Variants in TSNARE1 observed in about 807,000 individuals in gnomAD.
TSNARE1 encodes the protein t-SNARE domain-containing protein 1.
Under a neutral mutation model 62.0 loss-of-function variants are expected in TSNARE1, and 49 were observed. That is an observed-to-expected ratio of 0.79 (90% CI 0.63 to 1.00). The LOEUF is 1.00. Ranked by LOEUF, TSNARE1 falls within the 50% of genes least tolerant of loss-of-function variation. TSNARE1 has a pLI of 0.00. For synonymous variants in TSNARE1, 328 were observed against 294.4 expected, an observed-to-expected ratio of 1.11 and a Z score of -1.17; for missense variants, 755 against 700.1, an observed-to-expected ratio of 1.08 and a Z score of -0.88.
chr8:142,329,377 T>A (rs1485514504), intron 6 of TSNARE1, among the ~76,000 whole-genome samples: 3 of 152,146 alleles, frequency 2.0e-5, no homozygotes, highest in African/African-American at 7.2e-5. Flanking sequence ...CAGCGGGTGG[T>A]GTCGGTCTTC....
At chr8:142,269,723 T>G in intron 12 of TSNARE1, 2 of 985,318 alleles carry the variant, frequency 2.0e-6, no homozygotes, top group Non-Finnish European at 2.4e-6. Context: ...TTTGGCAGGA[T>G]GGAAGGCCAG....
rs749375794 is a variant in TSNARE1 at position 142,284,374 on chromosome 8, CG to C, written c.1363+38del. The C allele has an allele frequency of 3.8e-6, 6 of 1,567,398 alleles. No homozygotes were observed. In the East Asian group the frequency reaches 8.9e-5, roughly 23 times the overall value. ...GGCTGGGGGCTGGCAGGCAGGCCCT[CG>C]GGGCAGCAGGTGGCCCGAGGCTGGG... On this transcript the variant is annotated intron_variant, in intron 11 of 13. Coordinates refer to ENST00000524325, the MANE Select transcript of TSNARE1 (RefSeq NM_145003.5).
chr8:142,266,966 C>G (rs951973869), intron 12 of TSNARE1, among the ~76,000 whole-genome samples: 2 of 152,222 alleles, frequency 1.3e-5, no homozygotes, highest in African/African-American at 4.8e-5. Context: ...AACCCATCCA[C>G]AAAGTTCTTC....
At chr8:142,223,113 TTCAC>T (rs149396795) in intron 13 of TSNARE1, among the ~76,000 whole-genome samples, 15,779 of 35,616 alleles carry the variant, frequency 0.44, 2,500 homozygotes, top group Non-Finnish European at 0.5. Flanking sequence ...CACTCACTCG[TTCAC>T]TCATTCACTC....
intron 12 of TSNARE1, among the ~76,000 whole-genome samples, chr8:142,242,822 C>T (rs1048676275): frequency 5.3e-5 from 8 of 151,956 alleles, no homozygotes; most frequent in South Asian, 2.1e-4. Context: ...ATTAACTGGG[C>T]GTGGTGGTGG....
Position 142,291,096 on chromosome 8 carries a change from G to A in TSNARE1, c.1291-6611C>T, listed in dbSNP as rs958611969. 7.9e-5 allele frequency among the ~76,000 whole-genome samples: 12 copies of A among 152,038 alleles called. No homozygotes were observed. The highest frequency in any genetic ancestry group is 1.0e-4 in the Non-Finnish European group (7 of 68,018). ...GGAGATGAATTGCTGCTCGCCACCCGCTGCTCAGGACTGGTGTCCTCAGCT... is the reference window on the plus strand; with the variant it reads ...GGAGATGAATTGCTGCTCGCCACCCACTGCTCAGGACTGGTGTCCTCAGCT... On this transcript the variant is annotated intron_variant, in intron 10 of 13. Coordinates refer to ENST00000524325, the MANE Select transcript of TSNARE1 (RefSeq NM_145003.5). The surrounding 1 kb of genome is among the most constrained non-coding windows in gnomAD (Gnocchi z 4.8).
At chr8:142,387,664 A>G (rs1837202659) in intron 1 of TSNARE1, among the ~76,000 whole-genome samples, 1 of 152,168 alleles carries the variant, frequency 6.6e-6, no homozygotes, top group East Asian at 1.9e-4. Context: ...ATTGATAATC[A>G]TTTGGGAAAA....
At chr8:142,306,576 A>C (rs1826710375) in intron 9 of TSNARE1, among the ~76,000 whole-genome samples, 1 of 152,166 alleles carries the variant, frequency 6.6e-6, no homozygotes, top group South Asian at 2.1e-4. Context: ...CCCCACACCC[A>C]GGGGAGACAG....
At chr8:142,380,744 C>T (rs763030392) in intron 1 of TSNARE1, among the ~76,000 whole-genome samples, 152 of 152,290 alleles carry the variant, frequency 1.0e-3, no homozygotes, top group Non-Finnish European at 1.4e-3. Flanking sequence ...AAGGAGAAAA[C>T]GCTCCAGGAA....
At position 142,305,493 on chromosome 8, in the gene TSNARE1, G is replaced by A. The variant is rs546702555; in HGVS notation, c.1132-4849C>T. Among the ~76,000 whole-genome samples the A allele has an allele frequency of 7.9e-5, 12 of 152,258 alleles. 1 individual carries two copies. The South Asian group carries it at 2.5e-3, about 32-fold the overall frequency. The stretch of plus-strand genomic sequence containing the variant: ...CCCAGGAAGGCGGCAGGGCTGGGGT[G>A]CGGGCCAGAGGAGACCCCGCAGGTG... On this transcript the variant is annotated intron_variant, in intron 9 of 13. Transcript: ENST00000524325.
At chr8:142,237,154 T>TCCTGCCCAGCCTCCCCTCCTGC (rs10636268) in intron 12 of TSNARE1, among the ~76,000 whole-genome samples, 1 of 150,484 alleles carries the variant, frequency 6.6e-6, no homozygotes, top group Non-Finnish European at 1.5e-5. Flanking sequence ...CAGCCTCCCC[T>TCCTGCCCAGCCTCCCCTCCTGC]CCTGCGGCCC....
chr8:142,316,123 G>A (rs68144282), intron 7 of TSNARE1, among the ~76,000 whole-genome samples: 38,665 of 147,924 alleles, frequency 0.26, 5,501 homozygotes, highest in African/African-American at 0.32. Flanking sequence ...GGGACCCAGC[G>A]TGTATTCTTG....
chr8:142,275,839 G>A, intron 11 of TSNARE1: 1 of 964,044 alleles, frequency 1.0e-6, no homozygotes, highest in Non-Finnish European at 1.2e-6. Context: ...AGGGACTGCT[G>A]CCAGGCACAG....
intron 12 of TSNARE1, chr8:142,270,421 G>A (rs1018784287): frequency 1.1e-4 from 109 of 984,600 alleles, no homozygotes; most frequent in Non-Finnish European, 1.2e-4. Flanking sequence ...CTTTTTGCAA[G>A]AAAAATCTAC....
chr8:142,294,486 G>A (rs1018353955), intron 10 of TSNARE1, among the ~76,000 whole-genome samples: 3 of 152,204 alleles, frequency 2.0e-5, no homozygotes, highest in Admixed American at 1.3e-4. Flanking sequence ...GGGAGGCACC[G>A]GGCATGGTTC....
At chr8:142,236,443 C>T (rs1249797898) in intron 12 of TSNARE1, among the ~76,000 whole-genome samples, 4 of 151,988 alleles carry the variant, frequency 2.6e-5, no homozygotes, top group East Asian at 1.9e-4. Context: ...ACCAAGTATC[C>T]GCTGGGCACC....
intron 12 of TSNARE1, among the ~76,000 whole-genome samples, chr8:142,236,060 A>C (rs13438979): frequency 1.3e-5 from 2 of 152,128 alleles, no homozygotes; most frequent in African/African-American, 4.8e-5. Context: ...CTCCGCAGCC[A>C]GGCTCCAGCC....
At chr8:142,222,714 AT>A (rs1816430208) in intron 13 of TSNARE1, among the ~76,000 whole-genome samples, 1 of 54,348 alleles carries the variant, frequency 1.8e-5, no homozygotes, top group African/African-American at 5.7e-5. Flanking sequence ...TCACTCACTC[AT>A]CCACTCACTC....
intron 12 of TSNARE1, among the ~76,000 whole-genome samples, chr8:142,260,578 C>G (rs886222979): frequency 3.9e-5 from 6 of 152,268 alleles, no homozygotes; most frequent in Non-Finnish European, 7.4e-5. Context: ...CTGACCCAGC[C>G]TCACTTCTCA....
Sources: gnomAD v4.1 joint callset for allele counts (sites outside exome capture counted in the v4.1 genomes callset) on GRCh38, gnomAD v4.1.1 for gene constraint, Gnocchi (gnomAD v3.1) non-coding constraint, MANE v1.5 for transcripts, NCBI Gene and HGNC (gene_info 2026-07-23, HGNC 2026-07-21) for gene names.